ASTN2: variants seen among roughly 807,000 people sequenced by gnomAD.
ASTN2 encodes the protein astrotactin-2.
In ASTN2, 54 loss-of-function variants were observed where a neutral mutation model predicts 139.8. The ratio of observed to expected loss-of-function variants is 0.39; its 90% CI spans 0.31 to 0.48. The LOEUF is 0.48. Among genes scored for constraint, ASTN2 ranks in the 20% least tolerant of loss-of-function variants. The pLI is 0.95. For missense variants in ASTN2, 1,565 were observed against 1,725.1 expected (o/e 0.91, Z 1.64); for synonymous variants, 756 against 719.5 (o/e 1.05, Z -0.81).
intron 5 of ASTN2, among the ~76,000 whole-genome samples, chr9:117,085,469 G>C (rs924564324): frequency 6.6e-6 from 1 of 152,228 alleles, no homozygotes; most frequent in Non-Finnish European, 1.5e-5. Flanking sequence ...GAAGAGATGA[G>C]TACAATAGGC....
intron 3 of ASTN2, among the ~76,000 whole-genome samples, chr9:117,190,048 G>C (rs1317200144): frequency 6.6e-6 from 1 of 152,160 alleles, no homozygotes; most frequent in African/African-American, 2.4e-5. Flanking sequence ...GGAGATGTGA[G>C]TTCCAATCTC....
intron 5 of ASTN2, among the ~76,000 whole-genome samples, chr9:117,056,671 C>A (rs56354788): frequency 2.2e-3 from 330 of 152,324 alleles, no homozygotes; most frequent in African/African-American, 7.4e-3. Flanking sequence ...TCCTTGTTAT[C>A]TTTACCAAGG....
intron 10 of ASTN2, among the ~76,000 whole-genome samples, chr9:116,897,527 G>A (rs1833906875): frequency 6.6e-6 from 1 of 152,168 alleles, no homozygotes; most frequent in African/African-American, 2.4e-5. Flanking sequence ...AGATGTACAT[G>A]CACTAAGTGA....
intron 4 of ASTN2, among the ~76,000 whole-genome samples, chr9:117,107,183 A>G (rs1829129242): frequency 6.6e-6 from 1 of 152,122 alleles, no homozygotes; most frequent in Non-Finnish European, 1.5e-5. Context: ...TAGAATTACT[A>G]TGTCAATGTA....
intron 1 of ASTN2, among the ~76,000 whole-genome samples, chr9:117,394,866 G>C (rs769637595): frequency 6.6e-6 from 1 of 152,076 alleles, no homozygotes; most frequent in Non-Finnish European, 1.5e-5. Context: ...GAGCCACTGA[G>C]GATTCCACAT....
chr9:116,791,010 A>G (rs1245399252), intron 13 of ASTN2, among the ~76,000 whole-genome samples: 1 of 126,860 alleles, frequency 7.9e-6, no homozygotes, highest in Non-Finnish European at 1.7e-5. Context: ...AAAGAAAGAA[A>G]GAAAGAAAGA....
chr9:117,001,785 C>T (rs202218672), intron 7 of ASTN2, among the ~76,000 whole-genome samples: 1 of 152,254 alleles, frequency 6.6e-6, no homozygotes, highest in East Asian at 1.9e-4. Flanking sequence ...GCATGGGGCA[C>T]TTTGTTAATG....
intron 13 of ASTN2, among the ~76,000 whole-genome samples, chr9:116,743,550 C>T (rs533333471): frequency 5.7e-4 from 87 of 152,180 alleles, no homozygotes; most frequent in African/African-American, 2.1e-3. Context: ...CTCACTCTGT[C>T]GCCCAGGCTG....
At chr9:117,135,408 C>A (rs1319379464) in intron 4 of ASTN2, among the ~76,000 whole-genome samples, 2 of 152,214 alleles carry the variant, frequency 1.3e-5, no homozygotes, top group Admixed American at 6.5e-5. Context: ...AGATGGTAGG[C>A]TGCACTGCAT....
intron 2 of ASTN2, among the ~76,000 whole-genome samples, chr9:117,229,991 G>A (rs1832838213): frequency 6.6e-6 from 1 of 151,800 alleles, no homozygotes; most frequent in Non-Finnish European, 1.5e-5. Flanking sequence ...GAGAAACATA[G>A]TGAAACCCCA....
At chr9:117,395,754 A>T (rs534144909) in intron 1 of ASTN2, among the ~76,000 whole-genome samples, 1 of 152,356 alleles carries the variant, frequency 6.6e-6, no homozygotes, top group East Asian at 1.9e-4. Context: ...AGTTACACAG[A>T]ACCCCCATGA....
At chr9:116,429,813 G>A (rs1168334138) in intron 22 of ASTN2, among the ~76,000 whole-genome samples, 2 of 152,194 alleles carry the variant, frequency 1.3e-5, no homozygotes, top group Non-Finnish European at 2.9e-5. Flanking sequence ...CACTACGTAT[G>A]CTGTTCTGGG....
chr9:117,364,813 G>A (rs1169846483), intron 1 of ASTN2, among the ~76,000 whole-genome samples: 1 of 151,912 alleles, frequency 6.6e-6, no homozygotes, highest in Non-Finnish European at 1.5e-5. Flanking sequence ...GGCACATTAA[G>A]TAAATAAAAA....
At chr9:116,941,989 T>A (rs1433682034) in intron 10 of ASTN2, among the ~76,000 whole-genome samples, 73 of 136,102 alleles carry the variant, frequency 5.4e-4, no homozygotes, top group Middle Eastern at 3.8e-3. Context: ...CTAGATAAGC[T>A]AAAAAAAAAA....
intron 4 of ASTN2, among the ~76,000 whole-genome samples, chr9:117,138,619 T>G (rs1473469821): frequency 6.6e-6 from 1 of 152,166 alleles, no homozygotes; most frequent in Non-Finnish European, 1.5e-5. Flanking sequence ...AAAGATTGCT[T>G]TGGTAGTTTT....
At position 117,187,743 on chromosome 9, in the gene ASTN2, C is replaced by G. The variant is rs1025761765; in HGVS notation, c.1015+26615G>C. On this transcript the variant is annotated intron_variant, in intron 3 of 22. Coordinates refer to ENST00000313400, the MANE Select transcript of ASTN2 (RefSeq NM_001365068.1). Reference sequence around the variant, plus strand: ...GCCCTCCTACCTTGGACTTCCCAGTCTGCAGAACTGGAAGAAATAAATTTA... The same window carrying G: ...GCCCTCCTACCTTGGACTTCCCAGTGTGCAGAACTGGAAGAAATAAATTTA... 5.3e-5 allele frequency among the ~76,000 whole-genome samples: 8 copies of G among 152,136 alleles called. No individual in the cohort carries two copies. The East Asian group carries it at 1.5e-3, about 29-fold the overall frequency.
chr9:117,234,772 G>C (rs1313213582), intron 2 of ASTN2, among the ~76,000 whole-genome samples: 1 of 152,176 alleles, frequency 6.6e-6, no homozygotes, highest in Non-Finnish European at 1.5e-5. Flanking sequence ...TTCTAGGTCA[G>C]GCACGATTAG....
chr9:116,565,388 C>CTCTCTATATAT (rs1564120372), intron 19 of ASTN2, among the ~76,000 whole-genome samples: 1 of 34,012 alleles, frequency 2.9e-5, no homozygotes, highest in Non-Finnish European at 4.8e-5. Flanking sequence ...TCTCTCTCTC[C>CTCTCTATATAT]ATATATATAT....
At chr9:117,118,836 A>G (rs1829469414) in intron 4 of ASTN2, among the ~76,000 whole-genome samples, 1 of 152,130 alleles carries the variant, frequency 6.6e-6, no homozygotes, top group Non-Finnish European at 1.5e-5. Flanking sequence ...GTTTCTCCAC[A>G]GGTCTCTGTG....
Sources: allele counts gnomAD v4.1 joint callset (sites outside exome capture counted in the v4.1 genomes callset), GRCh38; gene constraint gnomAD v4.1.1; transcripts MANE v1.5; gene names NCBI Gene and HGNC (gene_info 2026-07-23, HGNC 2026-07-21).